The following GOLM2 variants were observed in gnomAD, a reference collection of about 807,000 sequenced individuals.
The protein encoded by GOLM2 is protein GOLM2.
Under a neutral mutation model 55.9 loss-of-function variants are expected in GOLM2, and 26 were observed. The observed-to-expected ratio is 0.47, with a 90% CI of 0.34 to 0.65. GOLM2 has a LOEUF of 0.65. Ranked by LOEUF, GOLM2 falls within the 30% of genes least tolerant of loss-of-function variation. The pLI, the probability that GOLM2 is intolerant of heterozygous loss-of-function variation, is 0.01. For synonymous variants in GOLM2, 165 were observed against 194.6 expected (o/e 0.85, Z 1.27); for missense variants, 486 against 531.8 (o/e 0.91, Z 0.85).
chr15:44,292,800 T>G (rs1378200861), intron 1 of GOLM2, among the ~76,000 whole-genome samples: 2 of 151,894 alleles, frequency 1.3e-5, no homozygotes, highest in African/African-American at 2.4e-5. Context: ...TTTTTCAGGG[T>G]TTTTTTTATT....
chr15:44,359,856 G>C (rs989193274), intron 6 of GOLM2, among the ~76,000 whole-genome samples: 1 of 152,172 alleles, frequency 6.6e-6, no homozygotes, highest in African/African-American at 2.4e-5. Context: ...CGGATCTCTC[G>C]GGAGAAACTC....
intron 6 of GOLM2, among the ~76,000 whole-genome samples, chr15:44,343,830 A>C (rs1313501270): frequency 6.6e-6 from 1 of 151,742 alleles, no homozygotes; most frequent in Non-Finnish European, 1.5e-5. Context: ...TCTCAAAAAA[A>C]AAAAAAAAGA....
chr15:44,304,230 C>CTTTTTTTTTTTTTTTTTTT (rs895623812), intron 1 of GOLM2, among the ~76,000 whole-genome samples: 3 of 82,874 alleles, frequency 3.6e-5, no homozygotes, highest in East Asian at 4.3e-4. Context: ...GGCTCCACTT[C>CTTTTTTTTTTTTTTTTTTT]TTTTTTTTTT....
At chr15:44,352,915 A>AAAAAGAAAAG (rs558111549) in intron 6 of GOLM2, among the ~76,000 whole-genome samples, 2 of 151,846 alleles carry the variant, frequency 1.3e-5, no homozygotes, top group Non-Finnish European at 2.9e-5. Context: ...TCAAAAAAAA[A>AAAAAGAAAAG]AAAAGAAAAG....
intron 6 of GOLM2, among the ~76,000 whole-genome samples, chr15:44,366,038 C>T (rs1183847406): frequency 6.6e-6 from 1 of 152,130 alleles, no homozygotes; most frequent in Non-Finnish European, 1.5e-5. Flanking sequence ...TGGCTCACGC[C>T]TGTAATCCCA....
chr15:44,310,379 G>T (rs1428812254), intron 1 of GOLM2, among the ~76,000 whole-genome samples: 1 of 151,168 alleles, frequency 6.6e-6, no homozygotes, highest in Non-Finnish European at 1.5e-5. Flanking sequence ...GCCAAGGCGG[G>T]AATCTCTCTG....
chr15:44,302,470 A>G (rs775285232), intron 1 of GOLM2, among the ~76,000 whole-genome samples: 12 of 146,460 alleles, frequency 8.2e-5, no homozygotes, highest in African/African-American at 2.8e-4. Flanking sequence ...TTGTCTTCCA[A>G]TGATATATTG....
rs765027962 is a variant in GOLM2, at chr15:44,403,028, G to T, written c.1214G>T (p.Gly405Val). 1 of 1,614,138 alleles carries T rather than the reference G, an allele frequency of 6.2e-7. No homozygotes were observed. The highest frequency in any genetic ancestry group is 2.2e-5 in the East Asian group (1 of 44,876). Residue 405 changes from glycine to valine, a missense_variant, in exon 9 of 10, where the codon GGT (glycine) becomes GTT (valine). By Grantham distance (109) the Gly-to-Val change is moderately radical (BLOSUM62 -3). Transcript: ENST00000299957. The part of the protein sequence containing the change: ...AELAYNEEED[G>V]DGGEEDVQDD... ...CTGGCTTACAATGAGGAAGAAGATG[G>T]TGATGGTGGAGAGGAAGACGTCCAA...
rs1475980343 is a variant in GOLM2, at chr15:44,290,619, C to T, written c.327+1263C>T. Reference sequence around the variant, plus strand: ...TTAACTCTAAAGACTGAAAAACTCTCGGGCAGAGTAGGTAGAAATCCATGA... The same window carrying T: ...TTAACTCTAAAGACTGAAAAACTCTTGGGCAGAGTAGGTAGAAATCCATGA... On this transcript the variant is annotated intron_variant, in intron 1 of 9. Transcript: ENST00000299957. Among the ~76,000 whole-genome samples, 8 of 152,152 alleles carry T rather than the reference C, an allele frequency of 5.3e-5. No individual in the cohort carries two copies. The East Asian group carries it at 5.8e-4, about 11-fold the overall frequency.
chr15:44,325,636 T>G (rs982889751), intron 2 of GOLM2, among the ~76,000 whole-genome samples: 7 of 152,204 alleles, frequency 4.6e-5, no homozygotes, highest in African/African-American at 1.4e-4. Context: ...TTTTGTTTGT[T>G]TTTTAGTTAC....
rs906870 is a variant in GOLM2 at position 44,375,280 on chromosome 15, A to C, written c.803-4410A>C. Among the ~76,000 whole-genome samples, 670 of 152,134 alleles carry C rather than the reference A, an allele frequency of 4.4e-3. 4 individuals are homozygous for C. Among genetic ancestry groups the C allele is most frequent in the African/African-American group, 0.015 (638 of 41,490 alleles). ...GTGATCCGCCCACCTCAGCCTCCCA[A>C]AGTGCTGAGATTACACGCATGAGCC... On this transcript the variant is annotated intron_variant, in intron 6 of 9. Transcript: ENST00000299957.
Position 44,288,937 on chromosome 15 carries a change from G to A in GOLM2, c.-93G>A. On this transcript the variant is annotated 5_prime_UTR_variant, in exon 1 of 10. Coordinates refer to ENST00000299957, the MANE Select transcript of GOLM2 (RefSeq NM_138423.4). ...CGCCTCCTCCCTCGGCCGGCCCTGG[G>A]GCCGTGTCCGCCGGGCAACTCCAGC... 1 of 1,238,868 alleles carries A rather than the reference G, an allele frequency of 8.1e-7. No individual in the cohort carries two copies. Among genetic ancestry groups the A allele is most frequent in the South Asian group, 1.5e-5 (1 of 68,946 alleles). 76.7% of individuals were successfully genotyped at this position (1,238,868 alleles called of 1,614,324 possible).
chr15:44,366,521 C>T (rs1476039298), intron 6 of GOLM2, among the ~76,000 whole-genome samples: 1 of 152,070 alleles, frequency 6.6e-6, no homozygotes, highest in African/African-American at 2.4e-5. Flanking sequence ...GTAGTCCCAG[C>T]TACTTGGGAG....
intron 6 of GOLM2, among the ~76,000 whole-genome samples, chr15:44,363,706 G>T (rs925560258): frequency 1.3e-4 from 19 of 151,840 alleles, no homozygotes; most frequent in East Asian, 3.9e-4. Context: ...TATACCCAAA[G>T]GACTATAAAT....
rs146556053 is a variant in GOLM2 at position 44,349,641 on chromosome 15, CCT to C, written c.802+11325_802+11326del. ...TCATCTACACTATAGACCAAATGGA[CCT>C]AATAGATATTTACAGAACATTTCAT... On this transcript the variant is annotated intron_variant, in intron 6 of 9. Coordinates refer to ENST00000299957, the MANE Select transcript of GOLM2 (RefSeq NM_138423.4). Among the ~76,000 whole-genome samples, 621 of 152,268 alleles carry C rather than the reference CCT, an allele frequency of 4.1e-3. 18 individuals carry two copies. The East Asian group carries it at 0.044, about 11-fold the overall frequency.
At chr15:44,346,610 A>T (rs953045451) in intron 6 of GOLM2, among the ~76,000 whole-genome samples, 21 of 152,220 alleles carry the variant, frequency 1.4e-4, no homozygotes, top group Non-Finnish European at 2.6e-4. Context: ...ACCTGTGGCT[A>T]AAGGCAACTG....
chr15:44,342,399 G>A (rs1194670712), intron 6 of GOLM2, among the ~76,000 whole-genome samples: 1 of 152,094 alleles, frequency 6.6e-6, no homozygotes, highest in Non-Finnish European at 1.5e-5. Context: ...GAGTAGCTGG[G>A]ACTACAGGCA....
At chr15:44,343,412 T>C (rs2079101743) in intron 6 of GOLM2, among the ~76,000 whole-genome samples, 1 of 152,164 alleles carries the variant, frequency 6.6e-6, no homozygotes, top group Admixed American at 6.5e-5. Context: ...TTTTTCTCAG[T>C]TTTGTCTTTT....
At chr15:44,405,521 A>C (rs994595498) in intron 9 of GOLM2, 8 of 152,104 alleles carry the variant, frequency 5.3e-5, no homozygotes, top group Admixed American at 2.6e-4. Context: ...AATTGTTAAC[A>C]TGTTTCCAGG....
Sources: allele counts gnomAD v4.1 joint callset (sites outside exome capture counted in the v4.1 genomes callset), GRCh38; gene constraint gnomAD v4.1.1; transcripts MANE v1.5; gene names NCBI Gene and HGNC (gene_info 2026-07-23, HGNC 2026-07-21).